KCNQ1: variants seen among roughly 807,000 people sequenced by gnomAD.
KCNQ1 encodes the protein potassium voltage-gated channel subfamily Q member 1.
Under a neutral mutation model 72.4 loss-of-function variants are expected in KCNQ1, and 49 were observed. The observed-to-expected ratio is 0.68, with a 90% CI of 0.54 to 0.86. The LOEUF (loss-of-function observed/expected upper bound fraction) is 0.86. KCNQ1 is among the 40% of genes least tolerant of loss of function. The probability of loss-of-function intolerance (pLI) is 0.00; values close to 1 mark genes in which losing one functional copy is unlikely to be tolerated. For missense variants in KCNQ1, 790 were observed against 945.1 expected, an observed-to-expected ratio of 0.84 and a Z score of 2.15; for synonymous variants, 450 against 412.6, an observed-to-expected ratio of 1.09 and a Z score of -1.10.
At chr11:2,732,849 C>T (rs1845878198) in intron 11 of KCNQ1, among the ~76,000 whole-genome samples, 1 of 152,168 alleles carries the variant, frequency 6.6e-6, no homozygotes, top group Middle Eastern at 3.4e-3. Context: ...GGGACCCCTG[C>T]CCTGGCGGTC....
At chr11:2,740,667 G>T (rs1384381240) in intron 11 of KCNQ1, among the ~76,000 whole-genome samples, 1 of 152,204 alleles carries the variant, frequency 6.6e-6, no homozygotes, top group Admixed American at 6.5e-5. Flanking sequence ...CTCAGGGCTG[G>T]TCCCTTCTGG....
At position 2,652,859 on chromosome 11, in the gene KCNQ1, C is replaced by G; in HGVS notation, c.1394-9102C>G. ...TTTGTGTATGCTGAGGCTTGCTATA[C>G]TTATTCTAAGGAGAAGTGTTTGGGG... On this transcript the variant is annotated intron_variant, in intron 10 of 15. Coordinates refer to ENST00000155840, the MANE Select transcript of KCNQ1 (RefSeq NM_000218.3). This position sits in a 1 kb window ranked among gnomAD's most constrained non-coding sequence, Gnocchi z 5.9. 3 of 398,732 alleles carry G rather than the reference C, an allele frequency of 7.5e-6. No homozygotes were observed. Among genetic ancestry groups the G allele is most frequent in the African/African-American group, 2.1e-5 (1 of 48,766 alleles). The allele number at this position is 398,732 out of a possible 1,614,324, so 24.7% of individuals were successfully genotyped here. A position where few individuals can be genotyped will look rare whatever the true frequency, so the allele number is the denominator to read the frequency against.
chr11:2,681,875 A>G (rs1414630245), intron 11 of KCNQ1: 3 of 398,412 alleles, frequency 7.5e-6, no homozygotes, highest in East Asian at 3.6e-5. Context: ...CAGCACTACC[A>G]TCTAGGTGGG....
intron 11 of KCNQ1, among the ~76,000 whole-genome samples, chr11:2,761,804 G>T (rs938053439): frequency 6.6e-6 from 1 of 152,266 alleles, no homozygotes; most frequent in Non-Finnish European, 1.5e-5. Flanking sequence ...GCCTGGGCTG[G>T]CACCCTCAGC....
chr11:2,749,105 C>T (rs1043051538), intron 11 of KCNQ1, among the ~76,000 whole-genome samples: 21 of 152,180 alleles, frequency 1.4e-4, no homozygotes, highest in Admixed American at 9.8e-4. Context: ...CACATGGGGC[C>T]GCAGGAGGAA....
At position 2,683,542 on chromosome 11, in the gene KCNQ1, G is replaced by A. The variant is rs1169355896; in HGVS notation, c.1514+21461G>A. On this transcript the variant is annotated intron_variant, in intron 11 of 15. Transcript: ENST00000155840. This position sits in a 1 kb window ranked among gnomAD's most constrained non-coding sequence, Gnocchi z 4.7. Reference sequence around the variant, plus strand: ...TCAGAGTAAACATTTCTAAAAAAGAGGTAGAAGCCCCTACCTACTGACTGG... The same window carrying A: ...TCAGAGTAAACATTTCTAAAAAAGAAGTAGAAGCCCCTACCTACTGACTGG... 2 of 398,614 alleles carry A rather than the reference G, an allele frequency of 5.0e-6. No individual in the cohort carries two copies. The highest frequency in any genetic ancestry group is 8.8e-6 in the Non-Finnish European group (2 of 226,072). 24.7% of individuals were successfully genotyped at this position (398,614 alleles called of 1,614,324 possible). A position where few individuals can be genotyped will look rare whatever the true frequency, so the allele number is the denominator to read the frequency against.
At chr11:2,689,897 C>T in intron 11 of KCNQ1, 1 of 398,790 alleles carries the variant, frequency 2.5e-6, no homozygotes, top group East Asian at 3.6e-5. Context: ...GGGGAAGGTT[C>T]CCACCTGCTC....
chr11:2,613,963 GA>G lies in KCNQ1; in HGVS notation c.1393+25112del. 1 of 398,532 alleles carries G rather than the reference GA, an allele frequency of 2.5e-6. No homozygotes were observed. The highest frequency in any genetic ancestry group is 4.4e-6 in the Non-Finnish European group (1 of 226,048). 24.7% of individuals were successfully genotyped at this position (398,532 alleles called of 1,614,324 possible). ...TTTTCTCACCTAACAACATCTCCTA[GA>G]AATCACTCAACATCCATTCACAGAG... On this transcript the variant is annotated intron_variant, in intron 10 of 15. Coordinates refer to ENST00000155840, the MANE Select transcript of KCNQ1 (RefSeq NM_000218.3). The surrounding 1 kb of genome is among the most constrained non-coding windows in gnomAD (Gnocchi z 4.8).
chr11:2,483,844 G>C lies in KCNQ1; in HGVS notation c.386+38360G>C, dbSNP rs1246548660. Among the ~76,000 whole-genome samples, 5 of 152,052 alleles carry C rather than the reference G, an allele frequency of 3.3e-5. No individual in the cohort carries two copies. The highest frequency in any genetic ancestry group is 7.4e-5 in the Non-Finnish European group (5 of 68,024). The stretch of plus-strand genomic sequence containing the variant: ...CTCAGCTGTAAATTAACCATTTTCC[G>C]CTTCATAATTAGTAAACACCTTGAG... On this transcript the variant is annotated intron_variant, in intron 1 of 15. Coordinates refer to ENST00000155840, the MANE Select transcript of KCNQ1 (RefSeq NM_000218.3). The surrounding 1 kb of genome is among the most constrained non-coding windows in gnomAD (Gnocchi z 6.1).
Position 2,682,170 on chromosome 11 carries a change from C to G in KCNQ1, c.1514+20089C>G, listed in dbSNP as rs1188745336. On this transcript the variant is annotated intron_variant, in intron 11 of 15. Transcript: ENST00000155840. This position sits in a 1 kb window ranked among gnomAD's most constrained non-coding sequence, Gnocchi z 5.8. The stretch of plus-strand genomic sequence containing the variant: ...CTTTCAGTATTAAACATATCAAGCT[C>G]TCTCCTGACCTTCTCTCCCCTTCCC... The G allele has an allele frequency of 5.0e-6, 2 of 398,478 alleles. No individual in the cohort carries two copies. Among genetic ancestry groups the G allele is most frequent in the Non-Finnish European group, 8.8e-6 (2 of 226,076 alleles). 24.7% of individuals were successfully genotyped at this position (398,478 alleles called of 1,614,324 possible).
chr11:2,631,941 G>C, intron 10 of KCNQ1: 1 of 397,100 alleles, frequency 2.5e-6, no homozygotes, highest in Non-Finnish European at 4.4e-6. Context: ...CCAGCACTTT[G>C]GGAGGCTGAG....
chr11:2,716,748 G>A (rs1298956340), intron 11 of KCNQ1, among the ~76,000 whole-genome samples: 1 of 152,240 alleles, frequency 6.6e-6, no homozygotes, highest in African/African-American at 2.4e-5. Context: ...CCTTCAGGAG[G>A]TGGAACTGGG....
At chr11:2,530,854 C>A (rs1175877842) in intron 2 of KCNQ1, among the ~76,000 whole-genome samples, 3 of 152,076 alleles carry the variant, frequency 2.0e-5, no homozygotes, top group Admixed American at 6.5e-5. Context: ...CGTGTGTGTA[C>A]CTATGTGTAT....
intron 2 of KCNQ1, among the ~76,000 whole-genome samples, chr11:2,552,112 G>T (rs532917534): frequency 5.3e-5 from 8 of 151,462 alleles, no homozygotes; most frequent in African/African-American, 1.9e-4. Context: ...ATTCATCAGG[G>T]TTCTTCTTTT....
chr11:2,677,203 G>C lies in KCNQ1; in HGVS notation c.1514+15122G>C, dbSNP rs1850308954. 2.5e-6 allele frequency: 1 copy of C among 398,310 alleles called. No individual in the cohort carries two copies. The highest frequency in any genetic ancestry group is 2.1e-5 in the African/African-American group (1 of 48,558). 24.7% of individuals were successfully genotyped at this position (398,310 alleles called of 1,614,324 possible). A position where few individuals can be genotyped will look rare whatever the true frequency, so the allele number is the denominator to read the frequency against. On this transcript the variant is annotated intron_variant, in intron 11 of 15. Coordinates refer to ENST00000155840, the MANE Select transcript of KCNQ1 (RefSeq NM_000218.3). The surrounding 1 kb of genome is among the most constrained non-coding windows in gnomAD (Gnocchi z 4.5). ...TGTATCTCTGCTGACTGACCTCTTTGGCTGTCTCTTGTCAACCAAAGACAA... is the reference window on the plus strand; with the variant it reads ...TGTATCTCTGCTGACTGACCTCTTTCGCTGTCTCTTGTCAACCAAAGACAA...
At chr11:2,837,166 G>A (rs1848084594) in intron 15 of KCNQ1, among the ~76,000 whole-genome samples, 1 of 152,180 alleles carries the variant, frequency 6.6e-6, no homozygotes, top group African/African-American at 2.4e-5. Flanking sequence ...AGTGTCCAGA[G>A]AGAGGACACC....
chr11:2,726,176 G>A (rs143007770), intron 11 of KCNQ1, among the ~76,000 whole-genome samples: 7 of 152,344 alleles, frequency 4.6e-5, no homozygotes, highest in African/African-American at 1.7e-4. Context: ...AGCTGGCCAG[G>A]GCAGAGGAGC....
intron 15 of KCNQ1, among the ~76,000 whole-genome samples, chr11:2,823,435 T>A (rs187866297): frequency 1.5e-4 from 23 of 152,300 alleles, no homozygotes; most frequent in Admixed American, 1.0e-3. Context: ...ATCCCTTTTC[T>A]TAGAAGGTTC....
rs1845716011 is a variant in KCNQ1, at chr11:2,723,916, G to A, written c.1515-44928G>A. On this transcript the variant is annotated intron_variant, in intron 11 of 15. Coordinates refer to ENST00000155840, the MANE Select transcript of KCNQ1 (RefSeq NM_000218.3). This position sits in a 1 kb window ranked among gnomAD's most constrained non-coding sequence, Gnocchi z 4.2. ...GTCACACGTTGGGGGATGTGCCGCA[G>A]GGATGGGGCATCTCAGCCTTTGTAT... Among the ~76,000 whole-genome samples, 1 of 152,232 alleles carries A rather than the reference G, an allele frequency of 6.6e-6. No homozygotes were observed. Among genetic ancestry groups the A allele is most frequent in the South Asian group, 2.1e-4 (1 of 4,828 alleles).
Sources: allele counts gnomAD v4.1 joint callset (sites outside exome capture counted in the v4.1 genomes callset), GRCh38; gene constraint gnomAD v4.1.1; non-coding constraint Gnocchi (gnomAD v3.1); transcripts MANE v1.5; gene names NCBI Gene and HGNC (gene_info 2026-07-23, HGNC 2026-07-21).